Variants in TTK observed in about 807,000 individuals in gnomAD.
TTK encodes TTK protein kinase.
Under a neutral mutation model 117.3 loss-of-function variants are expected in TTK, and 59 were observed. The observed-to-expected ratio is 0.50, with a 90% CI of 0.41 to 0.62. The LOEUF (loss-of-function observed/expected upper bound fraction) is 0.62. Among genes scored for constraint, TTK ranks in the 20% least tolerant of loss-of-function variants. TTK has a pLI of 0.00. For synonymous variants in TTK, 302 were observed against 325.0 expected (o/e 0.93, Z 0.76); for missense variants, 921 against 989.4 (o/e 0.93, Z 0.93).
At chr6:80,038,134 CTTT>C in intron 18 of TTK, 87 bp downstream of exon 18, 1 of 933,368 alleles carries the variant, frequency 1.1e-6, no homozygotes. Context: ...ATAACAATTT[CTTT>C]AAGTTCTAAA....
In TTK at chr6:80,027,907, A is replaced by G; in HGVS notation, c.1417A>G (p.Asn473Asp). 2 of 1,603,420 alleles carry G rather than the reference A, an allele frequency of 1.2e-6. 1 individual carries two copies. ...TAGTTTTAGAACTCCAGTTGTAAAG[A>G]ATGACTTTCCACCTGCTTGTCAGTT... ...MSCFRTPVVK[N>D]DFPPACQLST... is the part of the protein sequence containing the mutation. Residue 473 changes from asparagine (N) to aspartate (D), a missense_variant, in exon 13 of 22, where the codon AAT becomes GAT. Physicochemically the swap from Asn to Asp is conservative, Grantham distance 23. Coordinates refer to ENST00000369798, the MANE Select transcript of TTK (RefSeq NM_003318.5).
chr6:80,038,838 A>G (rs1025775317), intron 18 of TTK, among the ~76,000 whole-genome samples: 1 of 152,090 alleles, frequency 6.6e-6, no homozygotes, highest in African/African-American at 2.4e-5. Context: ...TTCTTCTTAA[A>G]TAAGCAGTTC....
intron 10 of TTK, among the ~76,000 whole-genome samples, chr6:80,016,834 G>C (rs903091761): frequency 3.3e-5 from 5 of 152,118 alleles, no homozygotes; most frequent in African/African-American, 1.2e-4. Context: ...TGCTTAAATG[G>C]TATTTTAACA....
intron 4 of TTK, among the ~76,000 whole-genome samples, chr6:80,010,298 GTATT>G (rs1307581327): frequency 6.6e-6 from 1 of 151,828 alleles, no homozygotes; most frequent in Non-Finnish European, 1.5e-5. Flanking sequence ...AGATTAATCT[GTATT>G]TATTATGTTT....
Position 80,038,061 on chromosome 6 carries a change from T to A in TTK, c.2130+14T>A, listed in dbSNP as rs377285385. ...TCTAAGTCAAAGGTACTGAAAAGAT[T>A]ATTTACATCACAATTATCTGGCAAC... On this transcript the variant is annotated intron_variant, in intron 18 of 21. Transcript: ENST00000369798. The A allele has an allele frequency of 6.4e-7, 1 of 1,555,872 alleles. No homozygotes were observed.
At chr6:80,005,068 C>T (rs983796156) in intron 1 of TTK, 1 of 152,246 alleles carries the variant, frequency 6.6e-6, no homozygotes, top group African/African-American at 2.4e-5. Context: ...TGACAGTTAT[C>T]TTTCAAACCT....
At chr6:80,031,917 C>T (rs541263140) in intron 14 of TTK, among the ~76,000 whole-genome samples, 122 of 152,268 alleles carry the variant, frequency 8.0e-4, no homozygotes, top group Middle Eastern at 3.4e-3. Flanking sequence ...TGTTTAGAAT[C>T]ATTCAGCAAG....
intron 13 of TTK, 93 bp from the exon 14 acceptor site, chr6:80,031,374 A>G (rs1464175543): frequency 5.1e-6 from 3 of 585,946 alleles, no homozygotes; most frequent in African/African-American, 2.0e-5. Context: ...GATTTAAGAT[A>G]ATTTCAAAAT....
intron 17 of TTK, among the ~76,000 whole-genome samples, chr6:80,037,168 C>T (rs1767926749): frequency 2.6e-5 from 4 of 152,082 alleles, no homozygotes; most frequent in African/African-American, 9.7e-5. Flanking sequence ...GATATTCTTG[C>T]TTGGAACCAA....
At chr6:80,012,805 C>G (rs1243085713) in intron 8 of TTK, among the ~76,000 whole-genome samples, 1 of 151,954 alleles carries the variant, frequency 6.6e-6, no homozygotes, top group Non-Finnish European at 1.5e-5. Flanking sequence ...ATTTCAAATA[C>G]CTAGCTCAAG....
At chr6:80,022,099 A>T (rs910676953) in intron 10 of TTK, among the ~76,000 whole-genome samples, 2 of 152,238 alleles carry the variant, frequency 1.3e-5, no homozygotes, top group East Asian at 1.9e-4. Context: ...TCTCTGACAA[A>T]GTTCTTAGTA....
chr6:80,017,796 T>C (rs939589166), intron 10 of TTK, among the ~76,000 whole-genome samples: 1 of 152,118 alleles, frequency 6.6e-6, no homozygotes, highest in South Asian at 2.1e-4. Context: ...ATCTTTACAA[T>C]TAAGTTTTAC....
intron 10 of TTK, among the ~76,000 whole-genome samples, chr6:80,016,502 A>G: frequency 6.6e-6 from 1 of 151,636 alleles, no homozygotes; most frequent in South Asian, 2.1e-4. Context: ...CCATGTGGAT[A>G]CTCTCTTGTA....
chr6:80,026,335 C>G (rs764674403), intron 11 of TTK, 43 bp from the exon 12 acceptor site: 22 of 1,575,930 alleles, frequency 1.4e-5, no homozygotes, highest in Non-Finnish European at 1.9e-5. Flanking sequence ...GAACAGGCAA[C>G]TAATTTAAAA....
At position 80,010,840 on chromosome 6, in the gene TTK, C is replaced by A. The variant is rs777540164; in HGVS notation, c.496C>A (p.Leu166Ile). 9 of 1,610,268 alleles carry A rather than the reference C, an allele frequency of 5.6e-6. No individual in the cohort carries two copies. In the East Asian group the frequency reaches 2.0e-4, roughly 36 times the overall value. ...TAATGTCAAAAAAAGTAAACAACTT[C>A]TTCAAAAAGCTGTAGAACGTGGAGC... is the stretch of plus-strand genomic sequence containing the variant. The part of the protein sequence containing the change: ...QGNVKKSKQL[L>I]QKAVERGAVP... The change falls in exon 5 of 22, where the codon CTT becomes ATT. Residue 166 changes from leucine (L) to isoleucine (I), a missense_variant. Leu to Ile is a conservative substitution (Grantham distance 5). Coordinates refer to ENST00000369798, the MANE Select transcript of TTK (RefSeq NM_003318.5).
At chr6:80,022,598 G>T (rs1271369084) in intron 11 of TTK, 126 bp downstream of exon 11, 4 of 1,106,116 alleles carry the variant, frequency 3.6e-6, no homozygotes, top group Admixed American at 6.2e-5. Context: ...TTTATTTAAA[G>T]GTTTTTAAAA....
At chr6:80,038,842 G>A (rs181471987) in intron 18 of TTK, among the ~76,000 whole-genome samples, 68 of 152,072 alleles carry the variant, frequency 4.5e-4, no homozygotes, top group South Asian at 1.9e-3. Context: ...TCTTAAATAA[G>A]CAGTTCCTGA....
intron 14 of TTK, among the ~76,000 whole-genome samples, chr6:80,032,188 CT>C (rs1328327500): frequency 6.6e-6 from 1 of 152,066 alleles, no homozygotes; most frequent in Non-Finnish European, 1.5e-5. Context: ...CACTAATGAC[CT>C]CCATTTTTTT....
intron 13 of TTK, among the ~76,000 whole-genome samples, chr6:80,030,036 C>G (rs1767712488): frequency 6.6e-6 from 1 of 152,094 alleles, no homozygotes; most frequent in African/African-American, 2.4e-5. Context: ...TACTTTGTTA[C>G]AGGAAATATA....
Sources: allele counts gnomAD v4.1 joint callset (sites outside exome capture counted in the v4.1 genomes callset), GRCh38; gene constraint gnomAD v4.1.1; transcripts MANE v1.5; gene names NCBI Gene and HGNC (gene_info 2026-07-23, HGNC 2026-07-21).